The following ADGRG5 variants were observed in gnomAD, a reference collection of about 807,000 sequenced individuals.
ADGRG5 encodes G protein-coupled receptor 114.
ADGRG5 carries 37 observed loss-of-function variants against 53.2 expected under a neutral mutation model. The observed-to-expected ratio is 0.70, with a 90% CI of 0.53 to 0.91. The LOEUF (loss-of-function observed/expected upper bound fraction) is 0.91. ADGRG5 is among the 40% of genes least tolerant of loss of function. ADGRG5 has a pLI of 0.00. For missense variants in ADGRG5, 614 were observed against 675.8 expected, an observed-to-expected ratio of 0.91 and a Z score of 1.01; for synonymous variants, 277 against 290.4, an observed-to-expected ratio of 0.95 and a Z score of 0.47.
intron 9 of ADGRG5, among the ~76,000 whole-genome samples, chr16:57,569,346 C>G (rs1379299712): frequency 2.1e-5 from 3 of 142,436 alleles, no homozygotes; most frequent in African/African-American, 9.1e-5. Flanking sequence ...CCACCTCCAC[C>G]TCCATCACCT....
chr16:57,556,901 C>CCTT (rs771130820), intron 1 of ADGRG5, among the ~76,000 whole-genome samples: 25 of 125,716 alleles, frequency 2.0e-4, no homozygotes, highest in East Asian at 1.2e-3. Context: ...TCTTATTTTG[C>CCTT]CTTCTTCTTT....
At position 57,563,138 on chromosome 16, in the gene ADGRG5, G is replaced by T. The variant is rs1434987542; in HGVS notation, c.188G>T (p.Gly63Val). The T allele has an allele frequency of 1.2e-6, 2 of 1,614,142 alleles. No individual in the cohort carries two copies. Among genetic ancestry groups the T allele is most frequent in the Non-Finnish European group, 1.7e-6 (2 of 1,180,006 alleles). Residue 63 changes from glycine (G) to valine (V), a missense_variant, in exon 4 of 12, where the codon GGC becomes GTC. Coordinates refer to ENST00000349457, the MANE Select transcript of ADGRG5 (RefSeq NM_001304376.3). ...EQMLLNTSFP[G>V]YNLTLQTPTI... ...ATGCTACTGAACACCAGCTTCCCAG[G>T]CTACAACCTGACCTTGCAGACACCC...
intron 1 of ADGRG5, among the ~76,000 whole-genome samples, chr16:57,561,097 C>T (rs1011065073): frequency 1.3e-5 from 2 of 152,180 alleles, no homozygotes; most frequent in Non-Finnish European, 2.9e-5. Context: ...CTGTTTTTAG[C>T]CTCTTCCTTC....
At chr16:57,565,283 A>C (rs2033105484) in intron 6 of ADGRG5, 133 bp downstream of exon 6, 1 of 662,754 alleles carries the variant, frequency 1.5e-6, no homozygotes, top group Non-Finnish European at 2.7e-6. Context: ...ATTCCTGCTC[A>C]AGAAATAAGA....
At chr16:57,560,603 C>T (rs1222300695) in intron 1 of ADGRG5, among the ~76,000 whole-genome samples, 8 of 152,112 alleles carry the variant, frequency 5.3e-5, no homozygotes, top group Non-Finnish European at 5.9e-5. Context: ...GGGGATATTG[C>T]TTAATTCCCC....
chr16:57,570,687 C>T, intron 10 of ADGRG5, 152 bp downstream of exon 10: 2 of 612,668 alleles, frequency 3.3e-6, no homozygotes, highest in South Asian at 1.9e-5. Context: ...CAGGGGGCTC[C>T]ACCACATCCC....
chr16:57,548,899 A>G (rs887125156), intron 1 of ADGRG5, among the ~76,000 whole-genome samples: 24 of 152,296 alleles, frequency 1.6e-4, no homozygotes, highest in African/African-American at 5.8e-4. Context: ...TAAAGCTGCT[A>G]TGACTCTTCA....
At chr16:57,529,874 A>T in the ADGRG5 span, among the ~76,000 whole-genome samples, 2 of 152,156 alleles carry the variant, frequency 1.3e-5, no homozygotes, top group African/African-American at 2.4e-5. This position sits in a 1 kb window ranked among gnomAD's most constrained non-coding sequence, Gnocchi z 4.1. Context: ...GTGGTCCAGG[A>T]CTGGGTCCTG....
At chr16:57,551,711 T>G (rs1261843859) in intron 1 of ADGRG5, among the ~76,000 whole-genome samples, 1 of 152,226 alleles carries the variant, frequency 6.6e-6, no homozygotes, top group Non-Finnish European at 1.5e-5. Context: ...CTCCTGTTAA[T>G]GTTGATATTT....
chr16:57,536,806 C>T, the ADGRG5 span, among the ~76,000 whole-genome samples: 5 of 152,266 alleles, frequency 3.3e-5, no homozygotes, highest in South Asian at 8.3e-4. Flanking sequence ...GAGGCCCCAC[C>T]CCCGTGAGGG....
chr16:57,564,889 T>G lies in ADGRG5; in HGVS notation c.430-145T>G. ...GCAAAGGCTGGGAGGCTGGGAAGGC[T>G]GGGAGGCTGGGAGGCTGAGAAAGCT... On this transcript the variant is annotated intron_variant, in intron 5 of 11. Coordinates refer to ENST00000349457, the MANE Select transcript of ADGRG5 (RefSeq NM_001304376.3). The G allele has an allele frequency of 6.4e-6, 4 of 621,708 alleles. 1 individual carries two copies. In the South Asian group the frequency reaches 7.7e-5, roughly 12 times the overall value. The allele number at this position is 621,708 out of a possible 1,614,324, so 38.5% of individuals were successfully genotyped here. A position where few individuals can be genotyped will look rare whatever the true frequency, so the allele number is the denominator to read the frequency against.
intron 1 of ADGRG5, among the ~76,000 whole-genome samples, chr16:57,553,651 T>C (rs149677081): frequency 6.6e-6 from 1 of 152,340 alleles, no homozygotes; most frequent in Non-Finnish European, 1.5e-5. Flanking sequence ...CAAAATTGTT[T>C]TGTCAATTCA....
At chr16:57,559,335 T>C (rs2032951442) in intron 1 of ADGRG5, among the ~76,000 whole-genome samples, 1 of 152,218 alleles carries the variant, frequency 6.6e-6, no homozygotes, top group Non-Finnish European at 1.5e-5. Context: ...CTTGCACTCA[T>C]GCAGGGCCCA....
Position 57,567,836 on chromosome 16 carries a change from G to C in ADGRG5, c.822-20G>C. 1 of 1,600,062 alleles carries C rather than the reference G, an allele frequency of 6.2e-7. No individual in the cohort carries two copies. ...TGGGTGATGTCCCTGGGCCATGGAGGACCATTCTCTCACCTGCAGGAAGCA... is the reference window on the plus strand; with the variant it reads ...TGGGTGATGTCCCTGGGCCATGGAGCACCATTCTCTCACCTGCAGGAAGCA... On this transcript the variant is annotated intron_variant, in intron 8 of 11. Transcript: ENST00000349457.
intron 1 of ADGRG5, among the ~76,000 whole-genome samples, chr16:57,551,005 G>T (rs1048622562): frequency 3.2e-4 from 49 of 152,214 alleles, no homozygotes; most frequent in African/African-American, 1.2e-3. Context: ...CTGCATTCCA[G>T]CCTGGGCAAC....
At chr16:57,532,873 C>T in the ADGRG5 span, among the ~76,000 whole-genome samples, 1 of 152,204 alleles carries the variant, frequency 6.6e-6, no homozygotes, top group East Asian at 1.9e-4. Flanking sequence ...CAGCCGGCAG[C>T]TGTGCTGGGT....
At chr16:57,542,893 A>G (rs975121341) in intron 1 of ADGRG5, 192 bp downstream of exon 1, 19 of 152,204 alleles carry the variant, frequency 1.2e-4, no homozygotes, top group African/African-American at 4.6e-4. Context: ...CAATGTAGAG[A>G]TCTGTGCTTT....
chr16:57,567,593 T>C lies in ADGRG5; in HGVS notation c.821+2T>C, dbSNP rs1290328871. On this transcript the variant is annotated splice_donor_variant, in intron 8 of 11. Coordinates refer to ENST00000349457, the MANE Select transcript of ADGRG5 (RefSeq NM_001304376.3). LOFTEE classifies it high-confidence loss of function. ...AGTCCTGCTGCACTTCCATTTCAGG[T>C]ATTCCGCTGCCACAGTGCTGGGCCT... 1 of 1,609,480 alleles carries C rather than the reference T, an allele frequency of 6.2e-7. No individual in the cohort carries two copies. The highest frequency in any genetic ancestry group is 2.2e-5 in the East Asian group (1 of 44,862).
intron 1 of ADGRG5, among the ~76,000 whole-genome samples, chr16:57,543,445 G>T (rs955036990): frequency 2.0e-5 from 3 of 152,016 alleles, no homozygotes; most frequent in African/African-American, 7.3e-5. Context: ...AGCATGCCTG[G>T]CTAATTTTCG....
Sources: allele counts gnomAD v4.1 joint callset (sites outside exome capture counted in the v4.1 genomes callset), GRCh38; gene constraint gnomAD v4.1.1; non-coding constraint Gnocchi (gnomAD v3.1); transcripts MANE v1.5; gene names NCBI Gene and HGNC (gene_info 2026-07-23, HGNC 2026-07-21).